PPP3CA: variants seen among roughly 807,000 people sequenced by gnomAD.
The protein encoded by PPP3CA is CAM-PRP catalytic subunit.
A neutral mutation model predicts 66.5 loss-of-function variants in PPP3CA; 14 were observed. The observed-to-expected ratio is 0.21, with a 90% CI of 0.14 to 0.33. PPP3CA has a LOEUF of 0.33. Ranked by LOEUF, PPP3CA falls within the 10% of genes least tolerant of loss-of-function variation. The pLI, the probability that PPP3CA is intolerant of heterozygous loss-of-function variation, is 1.00. For missense variants in PPP3CA, 317 were observed against 639.5 expected, an observed-to-expected ratio of 0.50 and a Z score of 5.44; for synonymous variants, 232 against 226.2, an observed-to-expected ratio of 1.03 and a Z score of -0.23.
chr4:101,123,639 T>A (rs987330665), intron 2 of PPP3CA, among the ~76,000 whole-genome samples: 37 of 152,188 alleles, frequency 2.4e-4, no homozygotes, highest in African/African-American at 8.7e-4. Flanking sequence ...GAGACCAGCC[T>A]GCACAACGTG....
At chr4:101,201,380 C>A (rs912543621) in intron 1 of PPP3CA, among the ~76,000 whole-genome samples, 1 of 152,186 alleles carries the variant, frequency 6.6e-6, no homozygotes, top group Non-Finnish European at 1.5e-5. Context: ...AAAGATGATG[C>A]CCATGCCCTA....
intron 2 of PPP3CA, among the ~76,000 whole-genome samples, chr4:101,123,790 A>G (rs1722110641): frequency 6.6e-6 from 1 of 152,212 alleles, no homozygotes; most frequent in South Asian, 2.1e-4. Context: ...GGGCAACAGA[A>G]AGACTCTATC....
intron 2 of PPP3CA, among the ~76,000 whole-genome samples, chr4:101,191,720 G>A (rs1318084371): frequency 6.6e-6 from 1 of 152,160 alleles, no homozygotes; most frequent in Non-Finnish European, 1.5e-5. Context: ...TCAGAGTGCA[G>A]GCAAGGGGAA....
chr4:101,151,502 T>C (rs1379726090), intron 2 of PPP3CA, among the ~76,000 whole-genome samples: 3 of 147,316 alleles, frequency 2.0e-5, no homozygotes, highest in South Asian at 2.2e-4. Flanking sequence ...GAGGTTGCAG[T>C]GAGCTGAGAT....
At chr4:101,344,602 G>A (rs1255487742) in intron 1 of PPP3CA, among the ~76,000 whole-genome samples, 1 of 152,116 alleles carries the variant, frequency 6.6e-6, no homozygotes, top group East Asian at 1.9e-4. Flanking sequence ...GGGTGAGTGT[G>A]TGTACCTAAA....
At chr4:101,158,980 T>G (rs1158808041) in intron 2 of PPP3CA, among the ~76,000 whole-genome samples, 2 of 152,244 alleles carry the variant, frequency 1.3e-5, no homozygotes, top group East Asian at 3.9e-4. Flanking sequence ...ATTAAGAAAC[T>G]TAAACCAAGA....
intron 9 of PPP3CA, among the ~76,000 whole-genome samples, chr4:101,061,919 T>C (rs1027084485): frequency 6.6e-6 from 1 of 152,048 alleles, no homozygotes; most frequent in African/African-American, 2.4e-5. Context: ...TACTGCTTCT[T>C]TGAGAGCTAC....
chr4:101,243,329 T>C (rs1578587777), intron 1 of PPP3CA, among the ~76,000 whole-genome samples: 1 of 152,272 alleles, frequency 6.6e-6, no homozygotes, highest in East Asian at 1.9e-4. Flanking sequence ...TAGAACATAT[T>C]GCCCATTCTG....
chr4:101,025,824 A>C lies in PPP3CA; in HGVS notation c.*41T>G. The C allele has an allele frequency of 1.7e-6, 1 of 574,332 alleles. No individual in the cohort carries two copies. The highest frequency in any genetic ancestry group is 2.3e-6 in the Non-Finnish European group (1 of 427,374). 35.6% of individuals were successfully genotyped at this position (574,332 alleles called of 1,614,324 possible). ...TCCCCATCATGCCCCGCAGCTCAAA[A>C]AAAAAAAAAAAAAAAAAAAAAAAAA... is the stretch of plus-strand genomic sequence containing the variant. On this transcript the variant is annotated 3_prime_UTR_variant, in exon 14 of 14. Coordinates refer to ENST00000394854, the MANE Select transcript of PPP3CA (RefSeq NM_000944.5).
At chr4:101,243,152 C>G (rs1191298296) in intron 1 of PPP3CA, among the ~76,000 whole-genome samples, 1 of 152,154 alleles carries the variant, frequency 6.6e-6, no homozygotes, top group Non-Finnish European at 1.5e-5. Flanking sequence ...GAAGAATCCA[C>G]TCCTGCTTTT....
At chr4:101,216,993 TG>T (rs1725477803) in intron 1 of PPP3CA, among the ~76,000 whole-genome samples, 1 of 152,168 alleles carries the variant, frequency 6.6e-6, no homozygotes, top group African/African-American at 2.4e-5. Flanking sequence ...CACAATTCAA[TG>T]ATCGGTGAAA....
chr4:101,028,023 C>T (rs1331157815), intron 13 of PPP3CA, among the ~76,000 whole-genome samples: 1 of 152,294 alleles, frequency 6.6e-6, no homozygotes, highest in South Asian at 2.1e-4. Flanking sequence ...AGAATTCCCA[C>T]ATAAATAGCA....
chr4:101,041,357 G>A (rs1490608012), intron 10 of PPP3CA, among the ~76,000 whole-genome samples: 1 of 150,802 alleles, frequency 6.6e-6, no homozygotes, highest in Non-Finnish European at 1.5e-5. Flanking sequence ...ACTTCAATGA[G>A]CCCATTTTAT....
Position 101,080,877 on chromosome 4 carries a change from C to T in PPP3CA, c.861-251G>A, listed in dbSNP as rs182656732. 1.4e-3 allele frequency among the ~76,000 whole-genome samples: 220 copies of T among 152,074 alleles called. 2 individuals carry two copies. The highest frequency in any genetic ancestry group is 2.2e-3 in the Non-Finnish European group (149 of 67,946). ...ACAGGTATTTTCTAAGTTAGCAAAC[C>T]TCAAGAGAGGGTGGAATTCATTGGA... On this transcript the variant is annotated intron_variant, in intron 7 of 13. Coordinates refer to ENST00000394854, the MANE Select transcript of PPP3CA (RefSeq NM_000944.5).
intron 2 of PPP3CA, among the ~76,000 whole-genome samples, chr4:101,144,693 T>A (rs1340862863): frequency 6.6e-6 from 1 of 152,226 alleles, no homozygotes; most frequent in Non-Finnish European, 1.5e-5. Flanking sequence ...CCTGTGACTC[T>A]AGATCCTATA....
chr4:101,244,772 G>GA (rs1726425076), intron 1 of PPP3CA, among the ~76,000 whole-genome samples: 1 of 152,100 alleles, frequency 6.6e-6, no homozygotes, highest in Non-Finnish European at 1.5e-5. Flanking sequence ...GTTAAGTTTG[G>GA]AATTAGTTAC....
intron 2 of PPP3CA, among the ~76,000 whole-genome samples, chr4:101,140,928 A>G (rs1381577182): frequency 6.6e-6 from 1 of 152,228 alleles, no homozygotes; most frequent in Admixed American, 6.5e-5. Context: ...AGCTTAAATT[A>G]TCTATGAGAT....
Position 101,024,154 on chromosome 4 carries a change from C to CAA in PPP3CA, c.*1709_*1710dup, listed in dbSNP as rs1475609868. ...TATCTGATTTGAGACACAAATCCAC[C>CAA]AAGATTCTTTCTTACAGTGGAAGTA... is the stretch of plus-strand genomic sequence containing the variant. On this transcript the variant is annotated 3_prime_UTR_variant, in exon 14 of 14. Transcript: ENST00000394854. 1 of 152,120 alleles carries CAA rather than the reference C, an allele frequency of 6.6e-6. No individual in the cohort carries two copies. Among genetic ancestry groups the CAA allele is most frequent in the East Asian group, 1.9e-4 (1 of 5,192 alleles). The allele number at this position is 152,120 out of a possible 1,614,324, so 9.4% of individuals were successfully genotyped here.
intron 1 of PPP3CA, among the ~76,000 whole-genome samples, chr4:101,233,388 C>A (rs1435467960): frequency 6.6e-6 from 1 of 151,806 alleles, no homozygotes; most frequent in African/African-American, 2.4e-5. Context: ...AAACTTAGAT[C>A]TTCAATTACT....
Sources: gnomAD v4.1 joint callset for allele counts (sites outside exome capture counted in the v4.1 genomes callset) on GRCh38, gnomAD v4.1.1 for gene constraint, MANE v1.5 for transcripts, NCBI Gene and HGNC (gene_info 2026-07-23, HGNC 2026-07-21) for gene names.